The following PGBD5 variants were observed in gnomAD, a reference collection of about 807,000 sequenced individuals.
PGBD5 encodes piggyBac transposable element-derived protein 5.
In PGBD5, 14 loss-of-function variants were observed where a neutral mutation model predicts 47.9. The observed-to-expected ratio is 0.29, with a 90% CI of 0.19 to 0.46. The LOEUF is 0.46. Among genes scored for constraint, PGBD5 ranks in the 20% least tolerant of loss-of-function variants. PGBD5 has a pLI of 1.00. For synonymous variants in PGBD5, 316 were observed against 306.3 expected (o/e 1.03, Z -0.33); for missense variants, 635 against 716.0 (o/e 0.89, Z 1.29).
At chr1:230,404,655 G>T (rs1362825938) in intron 1 of PGBD5, among the ~76,000 whole-genome samples, 1 of 147,110 alleles carries the variant, frequency 6.8e-6, no homozygotes, top group Non-Finnish European at 1.5e-5. Flanking sequence ...TATATGGCCT[G>T]GCAAGGTGGC....
chr1:230,384,081 C>T (rs903271705), intron 1 of PGBD5, among the ~76,000 whole-genome samples: 2 of 152,168 alleles, frequency 1.3e-5, no homozygotes, highest in Non-Finnish European at 1.5e-5. Context: ...TCTGCACAGA[C>T]GGAAAGATTC....
intron 1 of PGBD5, among the ~76,000 whole-genome samples, chr1:230,409,347 T>C (rs1033802105): frequency 6.6e-6 from 1 of 152,118 alleles, no homozygotes; most frequent in Non-Finnish European, 1.5e-5. Context: ...ACCCAGCAAC[T>C]CCACTCCTGG....
At chr1:230,401,645 A>C (rs1657141804) in intron 1 of PGBD5, among the ~76,000 whole-genome samples, 1 of 152,224 alleles carries the variant, frequency 6.6e-6, no homozygotes, top group Non-Finnish European at 1.5e-5. Flanking sequence ...GGCCTCAGCA[A>C]GTAATCAGAT....
chr1:230,339,182 C>T (rs1667372673), intron 3 of PGBD5, among the ~76,000 whole-genome samples: 2 of 152,212 alleles, frequency 1.3e-5, no homozygotes, highest in Admixed American at 1.3e-4. Context: ...TGCTTCCCCA[C>T]TTTATTTAAT....
chr1:230,357,849 A>C lies in PGBD5; in HGVS notation c.332-528T>G, dbSNP rs1667679436. On this transcript the variant is annotated intron_variant, in intron 1 of 6. Coordinates refer to ENST00000391860, the MANE Select transcript of PGBD5 (RefSeq NM_001258311.2). The surrounding 1 kb of genome is among the most constrained non-coding windows in gnomAD (Gnocchi z 5.7). Reference sequence around the variant, plus strand: ...TCAACATGTAAGTTTTAAAATTAAAATGTGCATATTTATACATATAAATTA... The same window carrying C: ...TCAACATGTAAGTTTTAAAATTAAACTGTGCATATTTATACATATAAATTA... Among the ~76,000 whole-genome samples, 1 of 152,210 alleles carries C rather than the reference A, an allele frequency of 6.6e-6. No individual in the cohort carries two copies. Among genetic ancestry groups the C allele is most frequent in the Admixed American group, 6.5e-5 (1 of 15,286 alleles).
chr1:230,398,586 T>C (rs1397769744), intron 1 of PGBD5, among the ~76,000 whole-genome samples: 1 of 152,178 alleles, frequency 6.6e-6, no homozygotes, highest in Non-Finnish European at 1.5e-5. Context: ...GGAGGTGCTG[T>C]TCAGCAGAAC....
intron 3 of PGBD5, among the ~76,000 whole-genome samples, chr1:230,337,681 T>A (rs956124581): frequency 2.0e-5 from 3 of 152,214 alleles, no homozygotes; most frequent in Non-Finnish European, 4.4e-5. Context: ...GAATACAGCT[T>A]CTTAATTTAC....
At chr1:230,422,718 G>A (rs1012312873) in intron 1 of PGBD5, among the ~76,000 whole-genome samples, 2 of 152,158 alleles carry the variant, frequency 1.3e-5, no homozygotes, top group African/African-American at 4.8e-5. Flanking sequence ...AGCTGATCTA[G>A]GAAGCTAAAT....
chr1:230,374,352 G>C (rs956549729), intron 1 of PGBD5, among the ~76,000 whole-genome samples: 2 of 152,192 alleles, frequency 1.3e-5, no homozygotes, highest in Non-Finnish European at 2.9e-5. Context: ...GGGTGGCAGA[G>C]GTTGCAGTGA....
At chr1:230,360,713 C>A (rs1330155151) in intron 1 of PGBD5, among the ~76,000 whole-genome samples, 2 of 152,130 alleles carry the variant, frequency 1.3e-5, no homozygotes, top group Non-Finnish European at 2.9e-5. Context: ...GTTAATGAAA[C>A]CTCTTTTCTT....
chr1:230,378,051 G>A (rs1668043121), intron 1 of PGBD5, among the ~76,000 whole-genome samples: 1 of 152,214 alleles, frequency 6.6e-6, no homozygotes, highest in African/African-American at 2.4e-5. Context: ...CTCAGCAGGT[G>A]AGCATGTCAC....
At chr1:230,366,336 G>T (rs181261742) in intron 1 of PGBD5, among the ~76,000 whole-genome samples, 2 of 148,378 alleles carry the variant, frequency 1.3e-5, no homozygotes, top group East Asian at 3.9e-4. Flanking sequence ...TGCAGATGGG[G>T]CTGGGGGGTG....
At chr1:230,397,763 A>T (rs781649236) in intron 1 of PGBD5, among the ~76,000 whole-genome samples, 1 of 152,224 alleles carries the variant, frequency 6.6e-6, no homozygotes, top group Non-Finnish European at 1.5e-5. Flanking sequence ...CTCAAGGAAG[A>T]TCGGCAGGCT....
At chr1:230,348,420 C>T (rs932147360) in intron 3 of PGBD5, among the ~76,000 whole-genome samples, 10 of 152,350 alleles carry the variant, frequency 6.6e-5, no homozygotes, top group Admixed American at 5.9e-4. Context: ...CAGCTCTGTG[C>T]TGACCAGCTG....
At position 230,357,034 on chromosome 1, in the gene PGBD5, G is replaced by A; in HGVS notation, c.619C>T (p.Arg207Cys). 2.5e-6 allele frequency: 4 copies of A among 1,614,138 alleles called. No individual in the cohort carries two copies. The highest frequency in any genetic ancestry group is 2.5e-6 in the Non-Finnish European group (3 of 1,180,036). Residue 207 changes from arginine (R) to cysteine (C), a missense_variant, in exon 2 of 7, where the codon CGC (arginine) becomes TGC (cysteine). Arg to Cys is a radical substitution (Grantham distance 180). Coordinates refer to ENST00000391860, the MANE Select transcript of PGBD5 (RefSeq NM_001258311.2). This position sits in a 1 kb window ranked among gnomAD's most constrained non-coding sequence, Gnocchi z 5.7. ...AAGTACTTGAGGATCTTCTCGAAGC[G>A]GGCCTGGCTCATGACGAGGGCGAGG... ...RSLALVMSQA[R>C]FEKILKYFHV...
At chr1:230,411,563 T>A (rs115976581) in intron 1 of PGBD5, among the ~76,000 whole-genome samples, 1 of 152,210 alleles carries the variant, frequency 6.6e-6, no homozygotes, top group Non-Finnish European at 1.5e-5. Context: ...GTGATTCTAC[T>A]ATTAAATGGC....
intron 1 of PGBD5, among the ~76,000 whole-genome samples, chr1:230,402,998 A>C (rs1352780939): frequency 6.6e-6 from 1 of 152,028 alleles, no homozygotes; most frequent in Non-Finnish European, 1.5e-5. Flanking sequence ...ACCGCACATC[A>C]CTCCATCATT....
At chr1:230,332,154 G>T (rs547377187) in intron 5 of PGBD5, among the ~76,000 whole-genome samples, 1 of 124,828 alleles carries the variant, frequency 8.0e-6, no homozygotes, top group Admixed American at 8.2e-5. Flanking sequence ...TACAAGTGAA[G>T]GGGAAAGAGG....
chr1:230,377,569 G>A (rs972408275), intron 1 of PGBD5: 1 of 1,603,540 alleles, frequency 6.2e-7, no homozygotes, highest in Non-Finnish European at 8.5e-7. Flanking sequence ...AGGTCCTGCA[G>A]AGTCCCCGAG....
Sources: gnomAD v4.1 joint callset for allele counts (sites outside exome capture counted in the v4.1 genomes callset) on GRCh38, gnomAD v4.1.1 for gene constraint, Gnocchi (gnomAD v3.1) non-coding constraint, MANE v1.5 for transcripts, NCBI Gene and HGNC (gene_info 2026-07-23, HGNC 2026-07-21) for gene names.